PACS1: variants seen among roughly 807,000 people sequenced by gnomAD.
The protein encoded by PACS1 is phosphofurin acidic cluster sorting protein 1.
Under a neutral mutation model 115.0 loss-of-function variants are expected in PACS1, and 24 were observed. The observed-to-expected ratio is 0.21, with a 90% CI of 0.15 to 0.29. The LOEUF (loss-of-function observed/expected upper bound fraction) is 0.29. PACS1 is among the 10% of genes least tolerant of loss of function. The pLI is 1.00. For missense variants in PACS1, 838 were observed against 1,251.2 expected (o/e 0.67, Z 4.98); for synonymous variants, 453 against 504.5 (o/e 0.90, Z 1.37).
Position 66,224,195 on chromosome 11 carries a change from CA to C in PACS1, c.1293+2969del, listed in dbSNP as rs71036281. Among the ~76,000 whole-genome samples the C allele has an allele frequency of 2.4e-3, 198 of 81,312 alleles. 1 individual carries two copies. Among genetic ancestry groups the C allele is most frequent in the African/African-American group, 5.2e-3 (100 of 19,290 alleles). 53.3% of individuals were successfully genotyped at this position (81,312 alleles called of 152,430 possible). A position where few individuals can be genotyped will look rare whatever the true frequency, so the allele number is the denominator to read the frequency against. On this transcript the variant is annotated intron_variant, in intron 10 of 23. Coordinates refer to ENST00000320580, the MANE Select transcript of PACS1 (RefSeq NM_018026.4). ...TGGGTAACAGAGCAAGACTCCATCT[CA>C]AAAAAAAAAAAAAAAAAAAAGCCAG...
intron 1 of PACS1, among the ~76,000 whole-genome samples, chr11:66,154,058 A>T (rs926706989): frequency 6.6e-6 from 1 of 152,210 alleles, no homozygotes; most frequent in Non-Finnish European, 1.5e-5. Flanking sequence ...ATTGCTAGAG[A>T]TTAAGGATAC....
intron 3 of PACS1, 55 bp from the exon 4 acceptor site, chr11:66,211,079 C>T: frequency 1.3e-6 from 2 of 1,599,944 alleles, no homozygotes; most frequent in Non-Finnish European, 1.7e-6. Flanking sequence ...CTCCAGAACC[C>T]CTCAAGGACC....
intron 1 of PACS1, among the ~76,000 whole-genome samples, chr11:66,180,004 G>A (rs1277539105): frequency 1.3e-5 from 2 of 151,954 alleles, no homozygotes; most frequent in Admixed American, 6.6e-5. Context: ...CACCACATCT[G>A]GCTAATTTTT....
chr11:66,117,604 T>G (rs1858334030), intron 1 of PACS1, among the ~76,000 whole-genome samples: 1 of 152,162 alleles, frequency 6.6e-6, no homozygotes, highest in Non-Finnish European at 1.5e-5. Flanking sequence ...CCCAGCACTT[T>G]GGGAGGCCGA....
chr11:66,094,035 G>T (rs1347813044), intron 1 of PACS1, among the ~76,000 whole-genome samples: 9 of 150,286 alleles, frequency 6.0e-5, no homozygotes, highest in African/African-American at 2.0e-4. Context: ...TCTCTGGGAC[G>T]CATTCAAAGC....
At chr11:66,239,314 C>G (rs775907764) in intron 21 of PACS1, 37 bp downstream of exon 21, 3 of 1,584,870 alleles carry the variant, frequency 1.9e-6, no homozygotes, top group Non-Finnish European at 1.7e-6. Context: ...GCCATGCCCT[C>G]CATCAGGCCC....
At chr11:66,234,287 C>T in intron 17 of PACS1, 45 bp downstream of exon 17, 2 of 1,320,640 alleles carry the variant, frequency 1.5e-6, no homozygotes, top group Non-Finnish European at 1.1e-6. Context: ...CCGGGGTCCA[C>T]AGGTGCCAGC....
chr11:66,207,793 G>A (rs990536864), intron 2 of PACS1, among the ~76,000 whole-genome samples: 3 of 151,316 alleles, frequency 2.0e-5, no homozygotes, highest in African/African-American at 4.9e-5. Context: ...TTTTTGAGAC[G>A]GAGTCTCGCT....
chr11:66,098,759 G>C (rs1180673684), intron 1 of PACS1, among the ~76,000 whole-genome samples: 2 of 152,114 alleles, frequency 1.3e-5, no homozygotes, highest in African/African-American at 2.4e-5. Flanking sequence ...TTGTCATCCC[G>C]GTTGTTCTTG....
chr11:66,230,341 G>C, intron 11 of PACS1: 1 of 575,122 alleles, frequency 1.7e-6, no homozygotes, highest in East Asian at 2.9e-5. Context: ...GCAGCATATG[G>C]TGCCCACACG....
At chr11:66,187,198 A>T (rs533515586) in intron 1 of PACS1, among the ~76,000 whole-genome samples, 1 of 152,246 alleles carries the variant, frequency 6.6e-6, no homozygotes, top group East Asian at 1.9e-4. Flanking sequence ...TTAATTTTAA[A>T]ATTGACCGAT....
intron 1 of PACS1, among the ~76,000 whole-genome samples, chr11:66,100,114 A>T (rs1425778193): frequency 6.6e-6 from 1 of 151,944 alleles, no homozygotes; most frequent in Non-Finnish European, 1.5e-5. Flanking sequence ...TCCTGACCTC[A>T]GGTGATCTGC....
intron 1 of PACS1, among the ~76,000 whole-genome samples, chr11:66,138,109 T>TTTAG (rs1338744430): frequency 2.0e-5 from 3 of 151,902 alleles, no homozygotes; most frequent in Non-Finnish European, 4.4e-5. Context: ...TATTTATTTA[T>TTTAG]TGGACAGTAT....
intron 1 of PACS1, among the ~76,000 whole-genome samples, chr11:66,140,254 C>T (rs1858946697): frequency 1.3e-5 from 2 of 152,208 alleles, no homozygotes; most frequent in African/African-American, 4.8e-5. Context: ...GAAGCTTTAG[C>T]TCTACAGCTG....
chr11:66,241,266 C>A (rs917109493), intron 21 of PACS1, 161 bp from the exon 22 acceptor site: 4 of 568,050 alleles, frequency 7.0e-6, no homozygotes, highest in African/African-American at 3.8e-5. Flanking sequence ...CAGCCTGATT[C>A]TCCTCTCCTA....
Position 66,235,199 on chromosome 11 carries a change from T to C in PACS1, c.2105-102T>C, listed in dbSNP as rs1855681301. The stretch of plus-strand genomic sequence containing the variant: ...AGAGCCCCATCCTTCACTCAACTCC[T>C]AGAGTCTGACGGGTCTCAGGAAGGG... On this transcript the variant is annotated intron_variant, in intron 17 of 23. Coordinates refer to ENST00000320580, the MANE Select transcript of PACS1 (RefSeq NM_018026.4). This position sits in a 1 kb window ranked among gnomAD's most constrained non-coding sequence, Gnocchi z 5.6. 7.5e-6 allele frequency: 6 copies of C among 800,718 alleles called. No individual in the cohort carries two copies. The highest frequency in any genetic ancestry group is 1.3e-5 in the Non-Finnish European group (6 of 466,646). 49.6% of individuals were successfully genotyped at this position (800,718 alleles called of 1,614,324 possible).
intron 1 of PACS1, among the ~76,000 whole-genome samples, chr11:66,142,163 C>T (rs1347375993): frequency 6.6e-6 from 1 of 151,988 alleles, no homozygotes; most frequent in African/African-American, 2.4e-5. Flanking sequence ...TCAACTGATC[C>T]TCTTGCCCCG....
intron 2 of PACS1, among the ~76,000 whole-genome samples, chr11:66,194,369 T>G (rs561933): frequency 1 from 152,115 of 152,330 alleles, 75,950 homozygotes; most frequent in Middle Eastern, 1. Flanking sequence ...TAAATCCCAC[T>G]TATAACTCCT....
At position 66,111,542 on chromosome 11, in the gene PACS1, C is replaced by T. The variant is rs145134227; in HGVS notation, c.356+40700C>T. Among the ~76,000 whole-genome samples the T allele has an allele frequency of 8.2e-3, 1,253 of 152,308 alleles. 23 individuals are homozygous for T. The highest frequency in any genetic ancestry group is 0.028 in the African/African-American group (1,156 of 41,566). ...ACCTAACTCTTGATTCTCTCCACAA[C>T]GCCAAACCTGTTTTTCCTCTAATTG... On this transcript the variant is annotated intron_variant, in intron 1 of 23. Coordinates refer to ENST00000320580, the MANE Select transcript of PACS1 (RefSeq NM_018026.4).
Sources: allele counts gnomAD v4.1 joint callset (sites outside exome capture counted in the v4.1 genomes callset), GRCh38; gene constraint gnomAD v4.1.1; non-coding constraint Gnocchi (gnomAD v3.1); transcripts MANE v1.5; gene names NCBI Gene and HGNC (gene_info 2026-07-23, HGNC 2026-07-21).